TFPI: variants seen among roughly 807,000 people sequenced by gnomAD.
TFPI encodes tissue factor pathway inhibitor.
A neutral mutation model predicts 34.6 loss-of-function variants in TFPI; 15 were observed. That is an observed-to-expected ratio of 0.43 (90% CI 0.29 to 0.67). The LOEUF (loss-of-function observed/expected upper bound fraction) is 0.67, where lower values mean the gene tolerates loss of function less well. Ranked by LOEUF, TFPI falls within the 30% of genes least tolerant of loss-of-function variation. The pLI, the probability that TFPI is intolerant of heterozygous loss-of-function variation, is 0.15. For missense variants in TFPI, 301 were observed against 364.0 expected, an observed-to-expected ratio of 0.83 and a Z score of 1.41; for synonymous variants, 105 against 120.1, an observed-to-expected ratio of 0.87 and a Z score of 0.82.
rs1198049653 is a variant in TFPI at position 187,529,854 on chromosome 2, G to A, written c.-3+24346C>T. ...ACATAGCTATAGACTTTGATTCTCTGTTTCTTGCGGCATTACTAACCTTTA... is the reference window on the plus strand; with the variant it reads ...ACATAGCTATAGACTTTGATTCTCTATTTCTTGCGGCATTACTAACCTTTA... On this transcript the variant is annotated intron_variant, in intron 1 of 7. Coordinates refer to ENST00000233156, the MANE Select transcript of TFPI (RefSeq NM_006287.6). Among the ~76,000 whole-genome samples the A allele has an allele frequency of 2.6e-5, 4 of 152,132 alleles. No individual in the cohort carries two copies. The East Asian group carries it at 7.7e-4, about 29-fold the overall frequency.
chr2:187,473,504 T>C (rs1692181828), intron 6 of TFPI, among the ~76,000 whole-genome samples: 1 of 152,128 alleles, frequency 6.6e-6, no homozygotes, highest in African/African-American at 2.4e-5. Context: ...CAGTTTTTCT[T>C]CTTTTATTTT....
At chr2:187,516,793 A>G (rs898519212) in intron 1 of TFPI, 2 of 152,198 alleles carry the variant, frequency 1.3e-5, no homozygotes, top group Non-Finnish European at 2.9e-5. Flanking sequence ...TATAGATTCC[A>G]GACGTTGTAT....
chr2:187,536,640 C>T (rs1244335598), intron 1 of TFPI, among the ~76,000 whole-genome samples: 1 of 152,176 alleles, frequency 6.6e-6, no homozygotes, highest in African/African-American at 2.4e-5. Context: ...ACTGAATGGG[C>T]AAAAGCTAGA....
intron 1 of TFPI, among the ~76,000 whole-genome samples, 193 bp from the exon 2 acceptor site, chr2:187,503,963 A>G (rs1280062119): frequency 6.6e-6 from 1 of 152,122 alleles, no homozygotes; most frequent in Non-Finnish European, 1.5e-5. Context: ...TTATGGGCAA[A>G]CACATTCAGT....
Position 187,551,233 on chromosome 2 carries a change from G to A in TFPI, c.-3+2967C>T, listed in dbSNP as rs1484145854. Among the ~76,000 whole-genome samples, 3 of 152,092 alleles carry A rather than the reference G, an allele frequency of 2.0e-5. No homozygotes were observed. The East Asian group carries it at 5.8e-4, about 29-fold the overall frequency. On this transcript the variant is annotated intron_variant, in intron 1 of 7. Coordinates refer to ENST00000233156, the MANE Select transcript of TFPI (RefSeq NM_006287.6). Reference sequence around the variant, plus strand: ...CACAGAGACCTGTGGTCCATCACATGGAACAATTGGGATAGTTGTACTGCA... The same window carrying A: ...CACAGAGACCTGTGGTCCATCACATAGAACAATTGGGATAGTTGTACTGCA...
At chr2:187,546,760 TATTTCAGGACCAAAACATC>T (rs1283155334) in intron 1 of TFPI, 2 of 152,166 alleles carry the variant, frequency 1.3e-5, no homozygotes, top group African/African-American at 4.8e-5. Flanking sequence ...AAGCAAATGG[TATTTCAGGACCAAAACATC>T]TGTTTCCTGA....
At chr2:187,513,346 A>G (rs751852102) in intron 1 of TFPI, among the ~76,000 whole-genome samples, 2 of 152,244 alleles carry the variant, frequency 1.3e-5, no homozygotes, top group Non-Finnish European at 2.9e-5. Flanking sequence ...ATGGTCCAAC[A>G]TTAAAAATTG....
At chr2:187,496,818 A>G in intron 3 of TFPI, 63 bp downstream of exon 3, 1 of 1,417,400 alleles carries the variant, frequency 7.1e-7, no homozygotes, top group Non-Finnish European at 9.7e-7. Context: ...TAAATTATCA[A>G]ATCCATAATT....
chr2:187,495,470 C>A (rs2106076977), intron 3 of TFPI, among the ~76,000 whole-genome samples: 1 of 152,308 alleles, frequency 6.6e-6, no homozygotes, highest in East Asian at 1.9e-4. Context: ...CCACTGAGGA[C>A]CACTGAGCTG....
At chr2:187,470,432 C>T (rs1008434525) in intron 6 of TFPI, among the ~76,000 whole-genome samples, 1 of 152,074 alleles carries the variant, frequency 6.6e-6, no homozygotes, top group African/African-American at 2.4e-5. Context: ...AAAAGCTAGG[C>T]TAGTACATAT....
At position 187,483,878 on chromosome 2, in the gene TFPI, G is replaced by C. The variant is rs973252102; in HGVS notation, c.628+246C>G. 3 of 454,336 alleles carry C rather than the reference G, an allele frequency of 6.6e-6. No homozygotes were observed. The South Asian group carries it at 9.5e-5, about 14-fold the overall frequency. The allele number at this position is 454,336 out of a possible 1,614,324, so 28.1% of individuals were successfully genotyped here. On this transcript the variant is annotated intron_variant, in intron 6 of 7. Coordinates refer to ENST00000233156, the MANE Select transcript of TFPI (RefSeq NM_006287.6). ...GCATAGAGTTAAATATCATATGAAA[G>C]TTTTTCATGTGATACATAATCAAAA... is the stretch of plus-strand genomic sequence containing the variant.
At chr2:187,470,765 A>G (rs531819093) in intron 6 of TFPI, among the ~76,000 whole-genome samples, 1 of 152,324 alleles carries the variant, frequency 6.6e-6, no homozygotes, top group East Asian at 1.9e-4. Flanking sequence ...ACTTCACTAA[A>G]TTATCCAAGG....
chr2:187,510,499 A>G (rs983155604), intron 1 of TFPI, among the ~76,000 whole-genome samples: 27 of 152,206 alleles, frequency 1.8e-4, no homozygotes, highest in African/African-American at 6.5e-4. Flanking sequence ...CTAAGAGAGG[A>G]GACCACCCCT....
At chr2:187,471,190 C>A (rs532559151) in intron 6 of TFPI, among the ~76,000 whole-genome samples, 1 of 152,130 alleles carries the variant, frequency 6.6e-6, no homozygotes, top group African/African-American at 2.4e-5. Context: ...TTACCTAATA[C>A]GTAAACTAAT....
In TFPI at chr2:187,466,720, C is replaced by A; in HGVS notation, c.*216G>T. 1 of 282,546 alleles carries A rather than the reference C, an allele frequency of 3.5e-6. No individual in the cohort carries two copies. Among genetic ancestry groups the A allele is most frequent in the South Asian group, 5.2e-5 (1 of 19,194 alleles). 17.5% of individuals were successfully genotyped at this position (282,546 alleles called of 1,614,324 possible). On this transcript the variant is annotated 3_prime_UTR_variant, in exon 8 of 8. Coordinates refer to ENST00000233156, the MANE Select transcript of TFPI (RefSeq NM_006287.6). The stretch of plus-strand genomic sequence containing the variant: ...ATAGATCCAGAAAATAAGTAATTTC[C>A]CAGTAGCCAGTTAATAAATTACAGA...
At chr2:187,470,677 TC>T (rs944147568) in intron 6 of TFPI, among the ~76,000 whole-genome samples, 1 of 152,146 alleles carries the variant, frequency 6.6e-6, no homozygotes, top group African/African-American at 2.4e-5. Flanking sequence ...AGGAGAAAGT[TC>T]CCCATAAAAC....
intron 1 of TFPI, among the ~76,000 whole-genome samples, chr2:187,535,816 C>T (rs1010948392): frequency 6.6e-6 from 1 of 151,934 alleles, no homozygotes; most frequent in East Asian, 1.9e-4. Flanking sequence ...AAAAGATTAA[C>T]AAAATAGACA....
rs756218391 is a variant in TFPI, at chr2:187,496,945, C to T, written c.255G>A (p.Gly85=). The T allele has an allele frequency of 2.5e-6, 4 of 1,613,302 alleles. No individual in the cohort carries two copies. In the Admixed American group the frequency reaches 6.7e-5, roughly 27 times the overall value. The change falls in exon 3 of 8, where the codon GGG becomes GGA. Residue 85 remains glycine (G), a synonymous_variant. Transcript: ENST00000233156. ...FTRQCEEFIY[G]GCEGNQNRFE... ...ATCGATTCTGATTTCCTTCACATCC[C>T]CCATATATAAATTCTTCGCACTGTC...
chr2:187,540,633 T>C (rs1190461068), intron 1 of TFPI, among the ~76,000 whole-genome samples: 2 of 152,126 alleles, frequency 1.3e-5, no homozygotes, highest in African/African-American at 4.8e-5. Flanking sequence ...CTCACGCTTG[T>C]AATCCCAACG....
Sources: gnomAD v4.1 joint callset for allele counts (sites outside exome capture counted in the v4.1 genomes callset) on GRCh38, gnomAD v4.1.1 for gene constraint, MANE v1.5 for transcripts, NCBI Gene and HGNC (gene_info 2026-07-23, HGNC 2026-07-21) for gene names.